Variants in KSR2 observed in about 807,000 individuals in gnomAD.
KSR2 encodes the protein kinase suppressor of ras 2.
In KSR2, 25 loss-of-function variants were observed where a neutral mutation model predicts 107.8. The observed-to-expected ratio is 0.23, with a 90% CI of 0.17 to 0.32. The LOEUF is 0.32. KSR2 is among the 10% of genes least tolerant of loss of function. The pLI, the probability that KSR2 is intolerant of heterozygous loss-of-function variation, is 1.00. For synonymous variants in KSR2, 480 were observed against 507.0 expected (o/e 0.95, Z 0.71); for missense variants, 887 against 1,268.9 (o/e 0.70, Z 4.57).
chr12:117,506,259 C>T (rs1873671218), intron 14 of KSR2, among the ~76,000 whole-genome samples: 2 of 152,162 alleles, frequency 1.3e-5, no homozygotes, highest in South Asian at 2.1e-4. Flanking sequence ...AATATCAAGG[C>T]TTTCAGATGC....
chr12:117,951,600 C>CCCCA (rs1376226778), intron 1 of KSR2, among the ~76,000 whole-genome samples: 1 of 152,074 alleles, frequency 6.6e-6, no homozygotes, highest in African/African-American at 2.4e-5. Context: ...ACTCCAGACC[C>CCCCA]CCCAGATGGA....
At chr12:117,516,763 T>C (rs778804685) in intron 14 of KSR2, among the ~76,000 whole-genome samples, 1 of 152,212 alleles carries the variant, frequency 6.6e-6, no homozygotes, top group Non-Finnish European at 1.5e-5. Flanking sequence ...ATACACATAC[T>C]GTTTAGTGAA....
intron 14 of KSR2, among the ~76,000 whole-genome samples, chr12:117,519,799 C>T (rs150142333): frequency 8.6e-5 from 13 of 151,434 alleles, no homozygotes; most frequent in South Asian, 2.1e-4. Flanking sequence ...TGTGTGTGCA[C>T]GTGTGTGTGT....
chr12:117,884,714 G>C (rs933573670), intron 1 of KSR2, among the ~76,000 whole-genome samples: 2 of 152,174 alleles, frequency 1.3e-5, no homozygotes, highest in African/African-American at 4.8e-5. Flanking sequence ...GATGTCCTTT[G>C]ACCTCTGTGG....
chr12:117,697,490 C>G (rs1277984055), intron 4 of KSR2, among the ~76,000 whole-genome samples: 1 of 152,116 alleles, frequency 6.6e-6, no homozygotes, highest in Non-Finnish European at 1.5e-5. Flanking sequence ...TGCCTGTAAC[C>G]CTAGCACTTT....
In KSR2 at chr12:117,462,753, G is replaced by A. The variant is rs561073785; in HGVS notation, c.*4446C>T. ...GCAGGGGATGGATGGGTGAAGTGAA[G>A]GTAGGCACAGGATGAGGATAGGGAG... On this transcript the variant is annotated 3_prime_UTR_variant, in exon 20 of 20. Coordinates refer to ENST00000339824, the MANE Select transcript of KSR2 (RefSeq NM_173598.6). 6.6e-6 allele frequency: 1 copy of A among 152,384 alleles called. No individual in the cohort carries two copies. The highest frequency in any genetic ancestry group is 1.5e-5 in the Non-Finnish European group (1 of 68,078). 9.4% of individuals were successfully genotyped at this position (152,384 alleles called of 1,614,324 possible).
intron 1 of KSR2, among the ~76,000 whole-genome samples, chr12:117,892,262 C>T (rs898587210): frequency 1.3e-5 from 2 of 152,148 alleles, no homozygotes; most frequent in Non-Finnish European, 2.9e-5. Flanking sequence ...TGAGATCGCG[C>T]CACTGCACTC....
At chr12:117,943,889 T>C (rs1896091963) in intron 1 of KSR2, among the ~76,000 whole-genome samples, 1 of 152,202 alleles carries the variant, frequency 6.6e-6, no homozygotes, top group Admixed American at 6.5e-5. Flanking sequence ...GATAATTTTA[T>C]AAGGGATTTC....
intron 14 of KSR2, among the ~76,000 whole-genome samples, chr12:117,511,618 T>G (rs181510450): frequency 2.8e-4 from 42 of 152,324 alleles, no homozygotes; most frequent in African/African-American, 9.4e-4. Flanking sequence ...TAAAAAGCAG[T>G]ATCTACAAAG....
chr12:117,781,756 T>TC (rs1237842585), intron 3 of KSR2, among the ~76,000 whole-genome samples: 1 of 151,582 alleles, frequency 6.6e-6, no homozygotes, highest in Non-Finnish European at 1.5e-5. Context: ...CACAAATGAG[T>TC]CCCCCTAGCA....
At chr12:117,531,062 C>T in intron 11 of KSR2, 49 bp from the exon 12 acceptor site, 1 of 1,501,668 alleles carries the variant, frequency 6.7e-7, no homozygotes, top group Non-Finnish European at 9.3e-7. Flanking sequence ...AAGTCCACAA[C>T]CCCCGCAAAG....
intron 3 of KSR2, among the ~76,000 whole-genome samples, chr12:117,762,645 A>G (rs1018562936): frequency 5.3e-5 from 8 of 152,172 alleles, no homozygotes; most frequent in African/African-American, 1.9e-4. Flanking sequence ...TGGGCAGATT[A>G]CTTGAGGTCA....
chr12:117,530,187 A>C (rs1875513848), intron 12 of KSR2, among the ~76,000 whole-genome samples: 1 of 152,224 alleles, frequency 6.6e-6, no homozygotes, highest in Non-Finnish European at 1.5e-5. Flanking sequence ...CACACATAGA[A>C]GTTTTAACAG....
chr12:117,848,841 G>GTAGTGGTGGTGATGGTGA (rs1892811581), intron 3 of KSR2, among the ~76,000 whole-genome samples: 1 of 141,780 alleles, frequency 7.1e-6, no homozygotes. Flanking sequence ...GGTAGTGGTG[G>GTAGTGGTGGTGATGGTGA]TGATGGTGAT....
chr12:117,567,846 G>A (rs1878619552), intron 7 of KSR2, among the ~76,000 whole-genome samples: 2 of 146,920 alleles, frequency 1.4e-5, no homozygotes, highest in South Asian at 2.2e-4. Flanking sequence ...CAAAAGTGCA[G>A]GTTCACTGCA....
intron 3 of KSR2, among the ~76,000 whole-genome samples, chr12:117,834,682 C>T (rs780361104): frequency 1.2e-4 from 18 of 152,156 alleles, no homozygotes; most frequent in Non-Finnish European, 2.6e-4. Flanking sequence ...AGCCCCTGTG[C>T]TTCCCCAGCC....
chr12:117,611,081 T>C (rs1028390594), intron 5 of KSR2, among the ~76,000 whole-genome samples: 3 of 152,328 alleles, frequency 2.0e-5, no homozygotes, highest in African/African-American at 7.2e-5. Flanking sequence ...ATAAAAGTTA[T>C]AATAATCTCC....
At position 117,539,920 on chromosome 12, in the gene KSR2, C is replaced by T. The variant is rs747965843; in HGVS notation, c.1519-33G>A. ...GAGAAAACAGGGTAGGAGTCAGGGA[C>T]AGGCAGGGAAGCAGAAACACAGCAG... is the stretch of plus-strand genomic sequence containing the variant. On this transcript the variant is annotated intron_variant, in intron 9 of 19. Transcript: ENST00000339824. 7.7e-6 allele frequency: 12 copies of T among 1,566,948 alleles called. No homozygotes were observed. In the African/African-American group the frequency reaches 1.5e-4, roughly 20 times the overall value.
chr12:117,525,337 G>C (rs1161234742), intron 13 of KSR2, 118 bp from the exon 14 acceptor site: 2 of 1,190,090 alleles, frequency 1.7e-6, no homozygotes, highest in African/African-American at 3.1e-5. Context: ...CATGCATTTG[G>C]AGCTTGTGCA....
Sources: allele counts gnomAD v4.1 joint callset (sites outside exome capture counted in the v4.1 genomes callset), GRCh38; gene constraint gnomAD v4.1.1; transcripts MANE v1.5; gene names NCBI Gene and HGNC (gene_info 2026-07-23, HGNC 2026-07-21).